RNF220: variants seen among roughly 807,000 people sequenced by gnomAD.
The protein encoded by RNF220 is E3 ubiquitin-protein ligase RNF220.
Under a neutral mutation model 67.1 loss-of-function variants are expected in RNF220, and 7 were observed. The ratio of observed to expected loss-of-function variants is 0.10; its 90% confidence interval spans 0.06 to 0.20. The LOEUF is 0.20. RNF220 is among the 10% of genes least tolerant of loss of function. The pLI, the probability that RNF220 is intolerant of heterozygous loss-of-function variation, is 1.00. For missense variants in RNF220, 565 were observed against 740.3 expected (o/e 0.76, Z 2.75); for synonymous variants, 270 against 283.2 (o/e 0.95, Z 0.47).
chr1:44,650,241 G>C lies in RNF220; in HGVS notation c.1629+284G>C. The C allele has an allele frequency of 5.5e-6, 3 of 546,004 alleles. No individual in the cohort carries two copies. Among genetic ancestry groups the C allele is most frequent in the Non-Finnish European group, 9.8e-6 (3 of 306,206 alleles). 33.8% of individuals were successfully genotyped at this position (546,004 alleles called of 1,614,324 possible). On this transcript the variant is annotated intron_variant, in intron 14 of 14. Coordinates refer to ENST00000361799, the MANE Select transcript of RNF220 (RefSeq NM_018150.4). The surrounding 1 kb of genome is among the most constrained non-coding windows in gnomAD (Gnocchi z 4.3). ...GCATCACACAGACTGGTGAGGCCTG[G>C]GGTCAGGAGGAGGCTGGCTGTAGGT...
chr1:44,519,171 G>A (rs557833602), intron 2 of RNF220, among the ~76,000 whole-genome samples: 2 of 152,324 alleles, frequency 1.3e-5, no homozygotes, highest in South Asian at 4.1e-4. Flanking sequence ...GACATGCAGA[G>A]AAAGGCACAG....
At chr1:44,463,335 CAAA>C (rs1223749063) in intron 2 of RNF220, among the ~76,000 whole-genome samples, 2 of 91,122 alleles carry the variant, frequency 2.2e-5, no homozygotes. Flanking sequence ...AACTCTGTCT[CAAA>C]AAAAAAAAAA....
At position 44,448,157 on chromosome 1, in the gene RNF220, G is replaced by A. The variant is rs193171888; in HGVS notation, c.625+35435G>A. ...CTACTAAAAATACAAAAATTAGCTG[G>A]GTGTGGTGGTGTGCGCTTGTAATCC... is the stretch of plus-strand genomic sequence containing the variant. On this transcript the variant is annotated intron_variant, in intron 2 of 14. Coordinates refer to ENST00000361799, the MANE Select transcript of RNF220 (RefSeq NM_018150.4). 3.3e-3 allele frequency among the ~76,000 whole-genome samples: 496 copies of A among 152,246 alleles called. 3 individuals are homozygous for A. Among genetic ancestry groups the A allele is most frequent in the African/African-American group, 0.012 (478 of 41,528 alleles).
At chr1:44,618,918 C>T (rs904630500) in intron 3 of RNF220, among the ~76,000 whole-genome samples, 2 of 152,104 alleles carry the variant, frequency 1.3e-5, no homozygotes, top group Non-Finnish European at 2.9e-5. Context: ...AGCTTTCTAA[C>T]TTGAATGATT....
At chr1:44,438,838 T>C (rs1651253737) in intron 2 of RNF220, among the ~76,000 whole-genome samples, 1 of 152,242 alleles carries the variant, frequency 6.6e-6, no homozygotes, top group African/African-American at 2.4e-5. Context: ...GATCAGTGTG[T>C]TTTGATATAA....
chr1:44,429,866 A>G (rs1557917196), intron 2 of RNF220, among the ~76,000 whole-genome samples: 1 of 152,174 alleles, frequency 6.6e-6, no homozygotes, highest in Non-Finnish European at 1.5e-5. Context: ...TCAACTTAAG[A>G]ATTTATCCTG....
At chr1:44,632,435 C>T (rs1364315037) in intron 6 of RNF220, 50 bp downstream of exon 6, 1 of 1,514,302 alleles carries the variant, frequency 6.6e-7, no homozygotes, top group Non-Finnish European at 9.0e-7. Flanking sequence ...CCTCCTCCCT[C>T]CCTCCCTCAC....
At chr1:44,514,869 C>T (rs1242529775) in intron 2 of RNF220, among the ~76,000 whole-genome samples, 5 of 152,084 alleles carry the variant, frequency 3.3e-5, no homozygotes, top group Non-Finnish European at 1.5e-5. Flanking sequence ...TCTACAGTAA[C>T]CTCTCATGCT....
chr1:44,645,174 G>A lies in RNF220; in HGVS notation c.1311-47G>A. 3 of 1,613,816 alleles carry A rather than the reference G, an allele frequency of 1.9e-6. No homozygotes were observed. The highest frequency in any genetic ancestry group is 1.7e-6 in the Non-Finnish European group (2 of 1,179,716). ...CAGTACTGACCCTCAGGGCTGTCCT[G>A]CCCGCCTTCAGGCCTCACTTTGTTT... On this transcript the variant is annotated intron_variant, in intron 10 of 14. Coordinates refer to ENST00000361799, the MANE Select transcript of RNF220 (RefSeq NM_018150.4). The surrounding 1 kb of genome is among the most constrained non-coding windows in gnomAD (Gnocchi z 5.0).
intron 2 of RNF220, among the ~76,000 whole-genome samples, chr1:44,428,776 C>CT (rs1394146114): frequency 2.0e-5 from 3 of 152,020 alleles, no homozygotes; most frequent in African/African-American, 7.3e-5. Flanking sequence ...ATTGTGGGGT[C>CT]TTTGACTTCC....
chr1:44,601,032 G>A (rs1187557917), intron 2 of RNF220, among the ~76,000 whole-genome samples: 1 of 152,156 alleles, frequency 6.6e-6, no homozygotes, highest in African/African-American at 2.4e-5. Flanking sequence ...AATTGTACAA[G>A]TATGTTATTG....
intron 3 of RNF220, among the ~76,000 whole-genome samples, chr1:44,615,873 A>G (rs531343235): frequency 6.6e-6 from 1 of 152,376 alleles, no homozygotes; most frequent in East Asian, 1.9e-4. Flanking sequence ...TCATCAATTC[A>G]GGAACAGCTT....
intron 8 of RNF220, among the ~76,000 whole-genome samples, chr1:44,641,089 T>G (rs1269839529): frequency 6.6e-6 from 1 of 152,204 alleles, no homozygotes; most frequent in African/African-American, 2.4e-5. Flanking sequence ...GAAATGAGTT[T>G]ATGGGAGAAG....
chr1:44,631,969 G>A (rs903896017), intron 5 of RNF220: 4 of 998,098 alleles, frequency 4.0e-6, no homozygotes, highest in Admixed American at 6.0e-5. Flanking sequence ...CACGTGATTA[G>A]GGCCAACATG....
Position 44,650,452 on chromosome 1 carries a change from C to A in RNF220, c.1630-252C>A. 1 of 563,214 alleles carries A rather than the reference C, an allele frequency of 1.8e-6. No homozygotes were observed. The highest frequency in any genetic ancestry group is 3.0e-5 in the East Asian group (1 of 33,762). The allele number at this position is 563,214 out of a possible 1,614,324, so 34.9% of individuals were successfully genotyped here. On this transcript the variant is annotated intron_variant, in intron 14 of 14. Transcript: ENST00000361799. The surrounding 1 kb of genome is among the most constrained non-coding windows in gnomAD (Gnocchi z 4.3). ...CTCGTTAGGGCTGCGGCTGCCACAG[C>A]TGGACCCAGCCTTGTTCTCATTACT...
chr1:44,584,297 C>T (rs1003374709), intron 2 of RNF220, among the ~76,000 whole-genome samples: 7 of 152,222 alleles, frequency 4.6e-5, no homozygotes, highest in Non-Finnish European at 7.3e-5. Flanking sequence ...TTCATCAGGG[C>T]GGGTCAAGCT....
At chr1:44,446,986 A>G (rs760853096) in intron 2 of RNF220, among the ~76,000 whole-genome samples, 22 of 152,288 alleles carry the variant, frequency 1.4e-4, no homozygotes, top group South Asian at 8.3e-4. Flanking sequence ...ACTTCTTTCT[A>G]TCTCTCCCTT....
intron 3 of RNF220, among the ~76,000 whole-genome samples, chr1:44,615,229 G>A (rs913124267): frequency 6.6e-6 from 1 of 152,200 alleles, no homozygotes; most frequent in Non-Finnish European, 1.5e-5. Flanking sequence ...AAATGTTCCA[G>A]CCAACGAGAT....
At chr1:44,612,204 T>G (rs919592852) in intron 2 of RNF220, among the ~76,000 whole-genome samples, 1 of 152,262 alleles carries the variant, frequency 6.6e-6, no homozygotes, top group Non-Finnish European at 1.5e-5. Context: ...AAAGGTTATC[T>G]GGCTTCTAGG....
Sources: allele counts gnomAD v4.1 joint callset (sites outside exome capture counted in the v4.1 genomes callset), GRCh38; gene constraint gnomAD v4.1.1; non-coding constraint Gnocchi (gnomAD v3.1); transcripts MANE v1.5; gene names NCBI Gene and HGNC (gene_info 2026-07-23, HGNC 2026-07-21).